STYX: variants seen among roughly 807,000 people sequenced by gnomAD.
STYX encodes the protein serine/threonine/tyrosine interacting protein.
In STYX, 20 loss-of-function variants were observed where a neutral mutation model predicts 42.7. That is an observed-to-expected ratio of 0.47 (90% confidence interval 0.33 to 0.68). STYX has a LOEUF of 0.68. STYX is among the 30% of genes least tolerant of loss of function. STYX has a pLI of 0.02. For synonymous variants in STYX, 78 were observed against 81.9 expected (o/e 0.95, Z 0.26); for missense variants, 226 against 268.5 (o/e 0.84, Z 1.11).
At position 52,730,254 on chromosome 14, in the gene STYX, C is replaced by A; in HGVS notation, c.-221C>A. 3.5e-6 allele frequency: 2 copies of A among 570,760 alleles called. No homozygotes were observed. The highest frequency in any genetic ancestry group is 6.3e-6 in the Non-Finnish European group (2 of 319,428). 35.4% of individuals were successfully genotyped at this position (570,760 alleles called of 1,614,324 possible). On this transcript the variant is annotated 5_prime_UTR_variant, in exon 1 of 11. Transcript: ENST00000354586. ...AGGGAGACGGCAGCGGCATGGCGGC[C>A]GGGTGTAAGACGCCCGACCCTCCTC...
At chr14:52,755,940 G>A (rs1015857496) in intron 4 of STYX, among the ~76,000 whole-genome samples, 5 of 152,016 alleles carry the variant, frequency 3.3e-5, no homozygotes, top group African/African-American at 1.2e-4. Flanking sequence ...TTATTTCTAG[G>A]TCCACTCTAA....
chr14:52,744,307 C>G (rs972419819), intron 1 of STYX, among the ~76,000 whole-genome samples: 1 of 152,264 alleles, frequency 6.6e-6, no homozygotes, highest in African/African-American at 2.4e-5. Flanking sequence ...TTGAACTAGA[C>G]AAGAATGTTA....
At position 52,768,952 on chromosome 14, in the gene STYX, T is replaced by C. The variant is rs772878537; in HGVS notation, c.598+19T>C. The C allele has an allele frequency of 3.3e-6, 5 of 1,534,762 alleles. No homozygotes were observed. In the South Asian group the frequency reaches 5.0e-5, roughly 15 times the overall value. Reference sequence around the variant, plus strand: ...ACCACAGGTAAGGATTTTTTTCTTTTTGGAGAAATTTGGGAAGAAAGATAA... The same window carrying C: ...ACCACAGGTAAGGATTTTTTTCTTTCTGGAGAAATTTGGGAAGAAAGATAA... On this transcript the variant is annotated intron_variant, in intron 10 of 10. Transcript: ENST00000354586.
intron 10 of STYX, among the ~76,000 whole-genome samples, chr14:52,770,245 A>T (rs1254214870): frequency 6.6e-6 from 1 of 152,114 alleles, no homozygotes; most frequent in Non-Finnish European, 1.5e-5. Context: ...TTTTATCTTT[A>T]TGAATTTTAT....
chr14:52,744,781 C>T, intron 1 of STYX, 71 bp from the exon 2 acceptor site: 1 of 1,412,198 alleles, frequency 7.1e-7, no homozygotes, highest in Non-Finnish European at 1.0e-6. Flanking sequence ...ACTTGTGTGT[C>T]ACATCTTTAG....
intron 8 of STYX, among the ~76,000 whole-genome samples, chr14:52,758,296 A>G (rs565505106): frequency 6.6e-6 from 1 of 152,178 alleles, no homozygotes; most frequent in Non-Finnish European, 1.5e-5. Flanking sequence ...TCTATTTACA[A>G]TTCAGAGTAG....
Position 52,746,418 on chromosome 14 carries a change from T to G in STYX, c.91-8T>G. The G allele has an allele frequency of 6.4e-7, 1 of 1,559,220 alleles. No homozygotes were observed. The highest frequency in any genetic ancestry group is 1.4e-5 in the African/African-American group (1 of 70,086). On this transcript the variant is annotated splice_polypyrimidine_tract_variant and splice_region_variant and intron_variant, in intron 2 of 10. Transcript: ENST00000354586. Reference sequence around the variant, plus strand: ...GATGGTAAATACCTCAAATTTTTTTTTTTCTAGGAAATTTTACCTGGATTG... The same window carrying G: ...GATGGTAAATACCTCAAATTTTTTTGTTTCTAGGAAATTTTACCTGGATTG...
intron 4 of STYX, among the ~76,000 whole-genome samples, chr14:52,754,275 T>A (rs958267191): frequency 1.2e-4 from 19 of 152,118 alleles, no homozygotes; most frequent in Non-Finnish European, 2.8e-4. Context: ...TGCATTGGCA[T>A]GATTTCTGTT....
chr14:52,744,527 T>A (rs1366710221), intron 1 of STYX, among the ~76,000 whole-genome samples: 1 of 152,238 alleles, frequency 6.6e-6, no homozygotes, highest in Non-Finnish European at 1.5e-5. Flanking sequence ...AAAAAATCTA[T>A]TGGCATCTCT....
chr14:52,769,130 G>A (rs561148958), intron 10 of STYX, among the ~76,000 whole-genome samples, 197 bp downstream of exon 10: 10 of 152,190 alleles, frequency 6.6e-5, no homozygotes, highest in South Asian at 4.1e-4. Context: ...TAGTACATCC[G>A]TGTTGTAAAG....
In STYX at chr14:52,772,999, G is replaced by C. The variant is rs1211878822; in HGVS notation, c.*1893G>C. On this transcript the variant is annotated 3_prime_UTR_variant, in exon 11 of 11. Coordinates refer to ENST00000354586, the MANE Select transcript of STYX (RefSeq NM_145251.4). ...GCTTTCCTGTATATAGATCACTATT[G>C]GGCAGGTCAGCAAAGATCTCTTACA... is the stretch of plus-strand genomic sequence containing the variant. 1 of 151,892 alleles carries C rather than the reference G, an allele frequency of 6.6e-6. No homozygotes were observed. Among genetic ancestry groups the C allele is most frequent in the Non-Finnish European group, 1.5e-5 (1 of 67,984 alleles). 9.4% of individuals were successfully genotyped at this position (151,892 alleles called of 1,614,324 possible). A position where few individuals can be genotyped will look rare whatever the true frequency, so the allele number is the denominator to read the frequency against.
At chr14:52,735,480 C>T (rs769827292) in intron 1 of STYX, among the ~76,000 whole-genome samples, 13 of 152,054 alleles carry the variant, frequency 8.5e-5, no homozygotes, top group Admixed American at 4.6e-4. Flanking sequence ...GGAACATTTC[C>T]ACAGGTAGAG....
At chr14:52,761,513 T>TA (rs535858863) in intron 9 of STYX, among the ~76,000 whole-genome samples, 92 of 151,116 alleles carry the variant, frequency 6.1e-4, no homozygotes, top group African/African-American at 1.7e-3. Flanking sequence ...AAAAAGTGCC[T>TA]ATTCCTCCGA....
Position 52,768,907 on chromosome 14 carries a change from C to G in STYX, c.572C>G (p.Ser191Ter). Reference sequence around the variant, plus strand: ...ATGTCACCACTCCAGATAGAAAGGTCATTATCTGTTCATTCTGGTACCACA... The same window carrying G: ...ATGTCACCACTCCAGATAGAAAGGTGATTATCTGTTCATTCTGGTACCACA... ...QMMSPLQIER[S>*]LSVHSGTTGS... The change falls in exon 10 of 11, where the codon TCA becomes TGA. Residue 191 changes from serine (S) to a stop codon, truncating the protein, a stop_gained. Transcript: ENST00000354586. LOFTEE classifies it high-confidence loss of function. 6.3e-7 allele frequency: 1 copy of G among 1,596,282 alleles called. No individual in the cohort carries two copies.
intron 1 of STYX, 97 bp from the exon 2 acceptor site, chr14:52,744,755 T>C (rs1022617953): frequency 4.1e-5 from 48 of 1,165,498 alleles, no homozygotes; most frequent in South Asian, 2.0e-4. Flanking sequence ...ATAATGTAAC[T>C]TTAAAAAATC....
At chr14:52,760,501 G>GT (rs1882050547) in intron 9 of STYX, among the ~76,000 whole-genome samples, 1 of 152,190 alleles carries the variant, frequency 6.6e-6, no homozygotes, top group African/African-American at 2.4e-5. Context: ...ACGTTGCTCA[G>GT]TTTATTCCAA....
chr14:52,770,441 CTT>C (rs1403565578), intron 10 of STYX, among the ~76,000 whole-genome samples: 1 of 152,024 alleles, frequency 6.6e-6, no homozygotes, highest in East Asian at 1.9e-4. Flanking sequence ...TTGATTATAA[CTT>C]TTGGGGATAC....
In STYX at chr14:52,742,583, T is replaced by C. The variant is rs547277054; in HGVS notation, c.58-2269T>C. ...TATTAGTGGTTCATGAATCAGGCAG[T>C]GTGTCATCAAAAGATTTAGAAAAGG... is the stretch of plus-strand genomic sequence containing the variant. On this transcript the variant is annotated intron_variant, in intron 1 of 10. Coordinates refer to ENST00000354586, the MANE Select transcript of STYX (RefSeq NM_145251.4). 6.6e-5 allele frequency among the ~76,000 whole-genome samples: 10 copies of C among 152,208 alleles called. No homozygotes were observed. The East Asian group carries it at 1.7e-3, about 26-fold the overall frequency.
intron 3 of STYX, among the ~76,000 whole-genome samples, chr14:52,750,063 T>C (rs1470955921): frequency 1.3e-5 from 2 of 152,198 alleles, no homozygotes; most frequent in African/African-American, 4.8e-5. Flanking sequence ...GGTCCTACCT[T>C]GGGACCAGCA....
Sources: gnomAD v4.1 joint callset for allele counts (sites outside exome capture counted in the v4.1 genomes callset) on GRCh38, gnomAD v4.1.1 for gene constraint, MANE v1.5 for transcripts, NCBI Gene and HGNC (gene_info 2026-07-23, HGNC 2026-07-21) for gene names.